SYNE1: variants seen among roughly 807,000 people sequenced by gnomAD.
SYNE1 encodes spectrin repeat containing nuclear envelope protein 1.
A neutral mutation model predicts 1,111.0 loss-of-function variants in SYNE1; 616 were observed. That is an observed-to-expected ratio of 0.55 (90% CI 0.52 to 0.59). The LOEUF is 0.59. SYNE1 is among the 20% of genes least tolerant of loss of function. The probability of loss-of-function intolerance (pLI) is 0.00; values close to 1 mark genes in which losing one functional copy is unlikely to be tolerated. For missense variants in SYNE1, 10,006 were observed against 10,417.0 expected, an observed-to-expected ratio of 0.96 and a Z score of 1.72; for synonymous variants, 3,855 against 3,825.8, an observed-to-expected ratio of 1.01 and a Z score of -0.28.
rs1173731932 is a variant in SYNE1, at chr6:152,430,703, T to C, written c.4468A>G (p.Ile1490Val). 1.2e-6 allele frequency: 2 copies of C among 1,613,942 alleles called. No homozygotes were observed. The highest frequency in any genetic ancestry group is 2.2e-5 in the East Asian group (1 of 44,866). ...DMQISQIKVT[I>V]QEIESKLSSI... ...CTGAGCTTACTTTCTATTTCCTGAATTGTGACCTAATAGTTAAAACAAGAA... is the reference window on the plus strand; with the variant it reads ...CTGAGCTTACTTTCTATTTCCTGAACTGTGACCTAATAGTTAAAACAAGAA... The change falls in exon 35 of 146, where the codon ATT becomes GTT. Residue 1490 changes from isoleucine to valine, a missense_variant. By Grantham distance (29) the Ile-to-Val change is conservative. Transcript: ENST00000367255.
intron 77 of SYNE1, among the ~76,000 whole-genome samples, chr6:152,333,450 A>G (rs1402081963): frequency 6.6e-6 from 1 of 152,152 alleles, no homozygotes; most frequent in African/African-American, 2.4e-5. Flanking sequence ...ATATTTTTAG[A>G]ATATTCTTTG....
intron 122 of SYNE1, among the ~76,000 whole-genome samples, chr6:152,214,561 T>C (rs117918957): frequency 0.011 from 1,748 of 152,292 alleles, 24 homozygotes; most frequent in Non-Finnish European, 0.016. Flanking sequence ...ACACGGTGAT[T>C]AGGCCATGAG....
intron 10 of SYNE1, among the ~76,000 whole-genome samples, chr6:152,501,216 A>G (rs938133146): frequency 1.3e-5 from 2 of 152,126 alleles, no homozygotes; most frequent in African/African-American, 4.8e-5. Flanking sequence ...CTCTCTATGT[A>G]ATTAAAAATA....
chr6:152,272,101 T>C (rs2093256755), intron 98 of SYNE1, among the ~76,000 whole-genome samples: 1 of 152,232 alleles, frequency 6.6e-6, no homozygotes, highest in Non-Finnish European at 1.5e-5. Context: ...ATATTCAGAT[T>C]CTATGCGGTT....
chr6:152,500,734 G>A (rs1470855855), intron 10 of SYNE1, among the ~76,000 whole-genome samples: 1 of 151,996 alleles, frequency 6.6e-6, no homozygotes, highest in Non-Finnish European at 1.5e-5. Context: ...AGGATCATGA[G>A]GTTAGGAGAT....
chr6:152,210,578 C>A (rs1370614993), intron 124 of SYNE1, among the ~76,000 whole-genome samples: 3 of 151,974 alleles, frequency 2.0e-5, no homozygotes, highest in African/African-American at 7.2e-5. Flanking sequence ...GCTTCTACAA[C>A]ATTAAAGACA....
intron 51 of SYNE1, among the ~76,000 whole-genome samples, chr6:152,391,801 C>T (rs1162854238): frequency 1.3e-5 from 2 of 152,116 alleles, no homozygotes; most frequent in Non-Finnish European, 2.9e-5. Context: ...GCTGTGCCTG[C>T]ATCCAAATAG....
At chr6:152,515,019 C>T (rs1206113064) in intron 6 of SYNE1, among the ~76,000 whole-genome samples, 4 of 152,032 alleles carry the variant, frequency 2.6e-5, no homozygotes, top group Non-Finnish European at 4.4e-5. Context: ...GTCGGGAGTT[C>T]GAGACCAGCC....
intron 11 of SYNE1, among the ~76,000 whole-genome samples, chr6:152,491,556 T>A (rs1050784013): frequency 2.0e-5 from 3 of 152,182 alleles, no homozygotes; most frequent in Non-Finnish European, 2.9e-5. Context: ...TCTGCAACAC[T>A]GCTTGGCCCC....
At chr6:152,533,824 C>G (rs746873130) in intron 4 of SYNE1, among the ~76,000 whole-genome samples, 1 of 152,032 alleles carries the variant, frequency 6.6e-6, no homozygotes, top group East Asian at 1.9e-4. Context: ...GCTTATTAAA[C>G]AGCATTTTAA....
At chr6:152,132,029 C>G (rs1010869382) in intron 144 of SYNE1, 93 bp downstream of exon 144, 5 of 1,178,014 alleles carry the variant, frequency 4.2e-6, no homozygotes, top group African/African-American at 3.0e-5. Context: ...CTGGAGGGGA[C>G]GCCTGCCTGT....
rs1015663069 is a variant in SYNE1, at chr6:152,419,865, TC to T, written c.5268-144del. 289 of 818,114 alleles carry T rather than the reference TC, an allele frequency of 3.5e-4. 3 individuals carry two copies. Among genetic ancestry groups the T allele is most frequent in the Non-Finnish European group, 6.1e-5 (31 of 509,818 alleles). The allele number at this position is 818,114 out of a possible 1,614,324, so 50.7% of individuals were successfully genotyped here. ...TCTATACCTCTTGATATTTTTTACT[TC>T]CCAAACCCTGCTTTACTCACAATCT... On this transcript the variant is annotated intron_variant, in intron 39 of 145. Transcript: ENST00000367255.
intron 3 of SYNE1, among the ~76,000 whole-genome samples, chr6:152,616,699 T>C (rs896761922): frequency 6.6e-6 from 1 of 152,172 alleles, no homozygotes; most frequent in South Asian, 2.1e-4. Context: ...AGCTAATGGC[T>C]CTCTTTGATG....
chr6:152,148,111 G>A lies in SYNE1; in HGVS notation c.24910C>T (p.Pro8304Ser). 1 of 1,614,180 alleles carries A rather than the reference G, an allele frequency of 6.2e-7. No individual in the cohort carries two copies. Among genetic ancestry groups the A allele is most frequent in the Non-Finnish European group, 8.5e-7 (1 of 1,180,020 alleles). ...DLESAMSRAL[P>S]SEDEEGQDDK... ...TCCTGACCTTCTTCATCCTCAGAGG[G>A]CAGAGCTCTGGACATTGCAGACTCC... The change falls in exon 137 of 146, where the codon CCC (proline) becomes TCC (serine). Residue 8304 changes from proline to serine, a missense_variant. By Grantham distance (74) the Pro-to-Ser change is moderately conservative. Around this residue, in one of 7 missense-constraint regions of SYNE1, gnomAD observed 761 missense variants for 795.5 expected, o/e 0.96. Coordinates refer to ENST00000367255, the MANE Select transcript of SYNE1 (RefSeq NM_182961.4). The surrounding 1 kb of genome is among the most constrained non-coding windows in gnomAD (Gnocchi z 4.1).
intron 129 of SYNE1, among the ~76,000 whole-genome samples, chr6:152,178,350 A>G (rs1013768578): frequency 5.3e-5 from 8 of 152,224 alleles, no homozygotes; most frequent in Non-Finnish European, 1.0e-4. Context: ...GCATTCTCTG[A>G]CACCCAGCAA....
intron 4 of SYNE1, among the ~76,000 whole-genome samples, chr6:152,528,188 C>G (rs1217767978): frequency 1.3e-5 from 2 of 152,166 alleles, no homozygotes; most frequent in Non-Finnish European, 2.9e-5. Flanking sequence ...TTGTTCTTTA[C>G]AAATTTTTTT....
At chr6:152,310,977 G>A (rs1213782864) in intron 87 of SYNE1, 104 bp from the exon 88 acceptor site, 11 of 1,207,688 alleles carry the variant, frequency 9.1e-6, no homozygotes, top group South Asian at 6.5e-5. Flanking sequence ...CTGTGTGTCC[G>A]TTATTGTGTT....
chr6:152,331,975 C>A (rs2096257723), intron 77 of SYNE1, 85 bp from the exon 78 acceptor site: 1 of 1,579,534 alleles, frequency 6.3e-7, no homozygotes, highest in Admixed American at 1.7e-5. Context: ...TACACTTCAC[C>A]ATTTTCTTTT....
chr6:152,300,903 C>T (rs78466183), intron 92 of SYNE1, 122 bp from the exon 93 acceptor site: 8 of 1,308,210 alleles, frequency 6.1e-6, no homozygotes, highest in South Asian at 1.2e-5. Context: ...TACTGGGACC[C>T]GAATTCACAT....
Sources: gnomAD v4.1 joint callset for allele counts (sites outside exome capture counted in the v4.1 genomes callset) on GRCh38, gnomAD v4.1.1 for gene constraint, gnomAD v4.1.1 regional missense constraint, Gnocchi (gnomAD v3.1) non-coding constraint, MANE v1.5 for transcripts, NCBI Gene and HGNC (gene_info 2026-07-23, HGNC 2026-07-21) for gene names.